The following ZDHHC11B variants were observed in gnomAD, a reference collection of about 807,000 sequenced individuals.
ZDHHC11B encodes the protein probable palmitoyltransferase ZDHHC11B.
In ZDHHC11B, 17 loss-of-function variants were observed where a neutral mutation model predicts 42.3. That is an observed-to-expected ratio of 0.40 (90% confidence interval 0.27 to 0.60). The LOEUF is 0.60. ZDHHC11B is among the 20% of genes least tolerant of loss of function. ZDHHC11B has a pLI of 0.41. For missense variants in ZDHHC11B, 262 were observed against 463.2 expected, an observed-to-expected ratio of 0.57 and a Z score of 3.99; for synonymous variants, 123 against 193.5, an observed-to-expected ratio of 0.64 and a Z score of 3.02.
chr5:749,413 T>C (rs1249518565), intron 7 of ZDHHC11B, among the ~76,000 whole-genome samples: 4 of 129,802 alleles, frequency 3.1e-5, no homozygotes, highest in Admixed American at 1.8e-4. Flanking sequence ...TTGGATTCAG[T>C]GTGGATGTCT....
intron 12 of ZDHHC11B, among the ~76,000 whole-genome samples, chr5:724,445 G>A (rs1404812408): frequency 1.6e-5 from 2 of 128,092 alleles, no homozygotes; most frequent in African/African-American, 5.9e-5. Context: ...GCACAATCTC[G>A]GCTCACTGCA....
At chr5:776,954 G>A (rs537381800) in intron 1 of ZDHHC11B, among the ~76,000 whole-genome samples, 63 of 151,948 alleles carry the variant, frequency 4.1e-4, no homozygotes, top group African/African-American at 1.4e-3. Context: ...CGCCTGTCAG[G>A]CAGGCAGAGC....
intron 12 of ZDHHC11B, among the ~76,000 whole-genome samples, chr5:722,312 A>G (rs1224372154): frequency 6.6e-5 from 10 of 151,794 alleles, no homozygotes; most frequent in African/African-American, 2.4e-4. Context: ...CCAACTGACA[A>G]AAGGTTTGTA....
chr5:713,842 G>A (rs1256893307), intron 13 of ZDHHC11B, among the ~76,000 whole-genome samples: 1 of 151,404 alleles, frequency 6.6e-6, no homozygotes, highest in Non-Finnish European at 1.5e-5. Flanking sequence ...CCGCCCTCTG[G>A]GGGCCCTTAC....
At chr5:762,730 T>A (rs1404947954) in intron 4 of ZDHHC11B, among the ~76,000 whole-genome samples, 1 of 151,874 alleles carries the variant, frequency 6.6e-6, no homozygotes, top group East Asian at 1.9e-4. Flanking sequence ...ATCAATGACC[T>A]AAGTTTCCGT....
intron 1 of ZDHHC11B, among the ~76,000 whole-genome samples, chr5:774,677 C>A (rs2150239021): frequency 6.7e-6 from 1 of 150,160 alleles, no homozygotes. Context: ...GGGCCTGGAG[C>A]CTGTAACTAG....
intron 10 of ZDHHC11B, among the ~76,000 whole-genome samples, chr5:736,300 G>A (rs1166459856): frequency 1.1e-4 from 16 of 149,816 alleles, no homozygotes; most frequent in African/African-American, 3.9e-4. Context: ...CACCTAACGA[G>A]GAACCCCCCA....
intron 12 of ZDHHC11B, among the ~76,000 whole-genome samples, chr5:724,315 C>T (rs1198083674): frequency 1.3e-5 from 2 of 150,088 alleles, no homozygotes; most frequent in African/African-American, 2.5e-5. Context: ...AAGCGATTCT[C>T]CTGCCTCAGC....
At chr5:718,075 A>T (rs1338022228) in intron 12 of ZDHHC11B, among the ~76,000 whole-genome samples, 2 of 151,910 alleles carry the variant, frequency 1.3e-5, no homozygotes, top group Non-Finnish European at 2.9e-5. Flanking sequence ...TGAGAATAAA[A>T]AGAAAAGAAA....
At chr5:767,013 G>T (rs1449883494) in intron 3 of ZDHHC11B, 94 bp from the exon 4 acceptor site, 2 of 1,424,442 alleles carry the variant, frequency 1.4e-6, no homozygotes, top group African/African-American at 1.4e-5. Context: ...TGGGAACATG[G>T]CCCCCAGGAC....
chr5:762,212 G>GCCGGCCACTCACAGTCCCGT (rs1734721929), intron 4 of ZDHHC11B, among the ~76,000 whole-genome samples: 1 of 67,960 alleles, frequency 1.5e-5, no homozygotes, highest in Non-Finnish European at 3.0e-5. Flanking sequence ...CACAGTCCCG[G>GCCGGCCACTCACAGTCCCGT]CCAGCCACTC....
chr5:784,380 G>A (rs1267827128), intron 1 of ZDHHC11B, among the ~76,000 whole-genome samples: 2 of 151,946 alleles, frequency 1.3e-5, no homozygotes, highest in Non-Finnish European at 1.5e-5. Context: ...CCAGGCACAG[G>A]GCCCGGAGAA....
At chr5:733,291 T>C (rs1743183891) in intron 11 of ZDHHC11B, among the ~76,000 whole-genome samples, 1 of 151,596 alleles carries the variant, frequency 6.6e-6, no homozygotes. Flanking sequence ...CACCATACAC[T>C]TGTACGTGTG....
At chr5:770,614 C>G (rs1479164666) in intron 1 of ZDHHC11B, among the ~76,000 whole-genome samples, 1 of 152,038 alleles carries the variant, frequency 6.6e-6, no homozygotes, top group African/African-American at 2.4e-5. Flanking sequence ...AGGTCCACAG[C>G]AGTCGTGCGA....
intron 9 of ZDHHC11B, among the ~76,000 whole-genome samples, chr5:743,162 T>C (rs1744358108): frequency 6.7e-6 from 1 of 149,158 alleles, no homozygotes; most frequent in African/African-American, 2.5e-5. Context: ...TTATTTAAAG[T>C]CAATTGACCA....
intron 1 of ZDHHC11B, among the ~76,000 whole-genome samples, chr5:773,617 C>G (rs1181965256): frequency 6.6e-6 from 1 of 151,900 alleles, no homozygotes; most frequent in Non-Finnish European, 1.5e-5. Flanking sequence ...TGCACCCTCT[C>G]CCACTGGCCA....
intron 1 of ZDHHC11B, among the ~76,000 whole-genome samples, chr5:772,798 C>T (rs1353512818): frequency 1.1e-3 from 163 of 151,770 alleles, no homozygotes; most frequent in South Asian, 2.1e-3. Context: ...TTCCAAAGCC[C>T]GCCTCTGCGT....
At chr5:739,488 C>A (rs2127032827) in intron 10 of ZDHHC11B, among the ~76,000 whole-genome samples, 1 of 150,792 alleles carries the variant, frequency 6.6e-6, no homozygotes, top group East Asian at 2.0e-4. Context: ...AGAAGATATA[C>A]AAATGGCCAA....
At chr5:741,317 A>G (rs1744132868) in intron 10 of ZDHHC11B, among the ~76,000 whole-genome samples, 5 of 149,220 alleles carry the variant, frequency 3.4e-5, no homozygotes, top group Admixed American at 1.4e-4. Flanking sequence ...ATGTAGAAAT[A>G]AATAAGCGGG....
Sources: gnomAD v4.1 joint callset for allele counts (sites outside exome capture counted in the v4.1 genomes callset) on GRCh38, gnomAD v4.1.1 for gene constraint, MANE v1.5 for transcripts, NCBI Gene and HGNC (gene_info 2026-07-23, HGNC 2026-07-21) for gene names.